SCRN1: variants seen among roughly 807,000 people sequenced by gnomAD.
The protein encoded by SCRN1 is secernin 1.
SCRN1 carries 19 observed loss-of-function variants against 43.3 expected under a neutral mutation model. The observed-to-expected ratio is 0.44, with a 90% CI of 0.31 to 0.64. The LOEUF is 0.64. Among genes scored for constraint, SCRN1 ranks in the 30% least tolerant of loss-of-function variants. The probability of loss-of-function intolerance (pLI) is 0.09; values close to 1 mark genes in which losing one functional copy is unlikely to be tolerated. For missense variants in SCRN1, 447 were observed against 524.1 expected (o/e 0.85, Z 1.44); for synonymous variants, 183 against 188.9 (o/e 0.97, Z 0.26).
Position 29,940,800 on chromosome 7 carries a change from G to GT in SCRN1, c.620dup (p.Tyr207Ter). 1.2e-6 allele frequency: 2 copies of GT among 1,607,008 alleles called. No individual in the cohort carries two copies. The highest frequency in any genetic ancestry group is 1.7e-6 in the Non-Finnish European group (2 of 1,178,124). ...MDAEHPELRS[Y>*]AQSQGWWTGE... ...CCGTCCACCAACCTTGGCTCTGAGC[G>GT]TAACTCCTGAGTTCCGGATGCTCTG... The change falls in exon 5 of 8, where the codon TAC (tyrosine) becomes TAAC (stop). Residue 207 changes from tyrosine to a stop codon, truncating the protein, a stop_gained and frameshift_variant. Coordinates refer to ENST00000242059, the MANE Select transcript of SCRN1 (RefSeq NM_014766.5). LOFTEE classifies it high-confidence loss of function.
At chr7:29,926,653 C>CTTCA (rs750216174) in intron 6 of SCRN1, 21 bp from the exon 7 acceptor site, 55 of 1,604,036 alleles carry the variant, frequency 3.4e-5, no homozygotes, top group Non-Finnish European at 1.1e-5. Context: ...AGGAGAGGCA[C>CTTCA]TTCAGCCAGG....
chr7:29,985,215 C>A (rs913390490), intron 1 of SCRN1, among the ~76,000 whole-genome samples: 1 of 142,996 alleles, frequency 7.0e-6, no homozygotes, highest in Non-Finnish European at 1.5e-5. Context: ...ACGAGCCTGA[C>A]CAACATGGTG....
At chr7:29,986,784 G>T (rs1789172385) in intron 1 of SCRN1, among the ~76,000 whole-genome samples, 1 of 143,306 alleles carries the variant, frequency 7.0e-6, no homozygotes, top group Non-Finnish European at 1.5e-5. Context: ...GAGTGCAGTG[G>T]CACCATCTCG....
At chr7:29,942,073 T>C (rs551680382) in intron 4 of SCRN1, among the ~76,000 whole-genome samples, 7 of 152,364 alleles carry the variant, frequency 4.6e-5, no homozygotes, top group African/African-American at 1.7e-4. Flanking sequence ...CTTTGTCATT[T>C]ATCTTTTCAG....
At chr7:29,948,144 G>A (rs1279407764) in intron 3 of SCRN1, among the ~76,000 whole-genome samples, 4 of 152,166 alleles carry the variant, frequency 2.6e-5, no homozygotes, top group African/African-American at 7.2e-5. Flanking sequence ...TCAGTGTCCC[G>A]AAATTCCTGC....
chr7:29,927,431 C>T (rs367933475), intron 6 of SCRN1, among the ~76,000 whole-genome samples: 7 of 146,572 alleles, frequency 4.8e-5, no homozygotes, highest in African/African-American at 7.6e-5. Flanking sequence ...CCCAGGCCAA[C>T]GGGCTAAGGG....
chr7:29,958,887 G>A (rs1788218964), intron 2 of SCRN1, among the ~76,000 whole-genome samples: 1 of 152,148 alleles, frequency 6.6e-6, no homozygotes, highest in Non-Finnish European at 1.5e-5. Flanking sequence ...CTAATCAGGG[G>A]GTTTCCAAGG....
At chr7:29,936,752 A>C in intron 5 of SCRN1, 31 bp from the exon 6 acceptor site, 2 of 1,502,240 alleles carry the variant, frequency 1.3e-6, no homozygotes, top group Non-Finnish European at 1.8e-6. Flanking sequence ...GACAAATGGA[A>C]AGAGTAGATA....
intron 5 of SCRN1, among the ~76,000 whole-genome samples, chr7:29,936,970 C>G (rs1015757838): frequency 6.6e-6 from 1 of 152,044 alleles, no homozygotes; most frequent in African/African-American, 2.4e-5. Context: ...GGTGTGAACC[C>G]GGGAGGCAGA....
At position 29,924,014 on chromosome 7, in the gene SCRN1, C is replaced by T. The variant is rs140280542; in HGVS notation, c.1188G>A (p.Ala396=). Residue 396 remains alanine (A), a synonymous_variant, in exon 8 of 8, where the codon GCG becomes GCA. Coordinates refer to ENST00000242059, the MANE Select transcript of SCRN1 (RefSeq NM_014766.5). ...AGTCATAGAAAAGGTCCCCCACTTC[C>T]GCAGGGTCCAGTGGCTCGGAGCTGG... ...ILTSSEPLDP[A]EVGDLFYDCV... 6.2e-6 allele frequency: 10 copies of T among 1,614,034 alleles called. No individual in the cohort carries two copies. The highest frequency in any genetic ancestry group is 1.7e-5 in the Admixed American group (1 of 59,994).
In SCRN1 at chr7:29,932,679, A is replaced by G. The variant is rs1583652934; in HGVS notation, c.905+3877T>C. On this transcript the variant is annotated intron_variant, in intron 6 of 7. Coordinates refer to ENST00000242059, the MANE Select transcript of SCRN1 (RefSeq NM_014766.5). ...AAAAAAAAAAAAAAAAAAAAAAAAA[A>G]GATTAGTACACTGAGAGGAGAAGAG... 2.0e-5 allele frequency among the ~76,000 whole-genome samples: 3 copies of G among 147,960 alleles called. No individual in the cohort carries two copies. In the South Asian group the frequency reaches 6.5e-4, roughly 32 times the overall value.
At chr7:29,951,304 C>T (rs1265034755) in intron 3 of SCRN1, among the ~76,000 whole-genome samples, 1 of 152,238 alleles carries the variant, frequency 6.6e-6, no homozygotes, top group Non-Finnish European at 1.5e-5. Flanking sequence ...TGGCTGGACC[C>T]CATGCTTGCT....
intron 3 of SCRN1, among the ~76,000 whole-genome samples, chr7:29,944,662 C>CAAAA (rs397729276): frequency 7.7e-5 from 6 of 77,676 alleles, no homozygotes; most frequent in Non-Finnish European, 1.3e-4. Flanking sequence ...GACCCTGTCT[C>CAAAA]AAAAAAAAAA....
At chr7:29,947,140 A>G in intron 3 of SCRN1, 1 of 1,526,068 alleles carries the variant, frequency 6.6e-7, no homozygotes, top group Non-Finnish European at 8.8e-7. Flanking sequence ...TGTAACATCT[A>G]TCTTCTGTGC....
In SCRN1 at chr7:29,942,326, C is replaced by A. The variant is rs75075094; in HGVS notation, c.545-1450G>T. Reference sequence around the variant, plus strand: ...CCATCACACCGCTGCTGGGATCAGACGACATGAAATCAGTAAGTCCAAGAA... The same window carrying A: ...CCATCACACCGCTGCTGGGATCAGAAGACATGAAATCAGTAAGTCCAAGAA... On this transcript the variant is annotated intron_variant, in intron 4 of 7. Transcript: ENST00000242059. Among the ~76,000 whole-genome samples, 21 of 152,234 alleles carry A rather than the reference C, an allele frequency of 1.4e-4. No homozygotes were observed. The South Asian group carries it at 4.4e-3, about 32-fold the overall frequency.
At chr7:29,977,832 G>C (rs1365310941) in intron 1 of SCRN1, among the ~76,000 whole-genome samples, 1 of 152,234 alleles carries the variant, frequency 6.6e-6, no homozygotes, top group Non-Finnish European at 1.5e-5. Flanking sequence ...GGGTTGCAGT[G>C]AGATTTAAAT....
intron 6 of SCRN1, among the ~76,000 whole-genome samples, chr7:29,928,597 G>C (rs191381502): frequency 3.9e-4 from 59 of 152,248 alleles, no homozygotes; most frequent in African/African-American, 1.3e-3. Flanking sequence ...TGGAGACTGG[G>C]CCCATCTCCG....
chr7:29,942,701 G>A (rs1442959212), intron 4 of SCRN1, among the ~76,000 whole-genome samples: 1 of 152,178 alleles, frequency 6.6e-6, no homozygotes, highest in East Asian at 1.9e-4. Flanking sequence ...TGGTAGGTGG[G>A]TACATGCTGG....
intron 7 of SCRN1, 146 bp from the exon 8 acceptor site, chr7:29,924,261 A>T: frequency 2.7e-6 from 2 of 743,992 alleles, no homozygotes; most frequent in East Asian, 2.7e-5. Flanking sequence ...TGCCGCAGGG[A>T]TTGTTCTAGA....
Sources: gnomAD v4.1 joint callset for allele counts (sites outside exome capture counted in the v4.1 genomes callset) on GRCh38, gnomAD v4.1.1 for gene constraint, MANE v1.5 for transcripts, NCBI Gene and HGNC (gene_info 2026-07-23, HGNC 2026-07-21) for gene names.